LAMA3: variants seen among roughly 807,000 people sequenced by gnomAD.
LAMA3 encodes laminin subunit alpha 3.
Under a neutral mutation model 402.0 loss-of-function variants are expected in LAMA3, and 281 were observed. The observed-to-expected ratio is 0.70, with a 90% CI of 0.63 to 0.77. LAMA3 has a LOEUF of 0.77. Ranked by LOEUF, LAMA3 falls within the 30% of genes least tolerant of loss-of-function variation. The pLI, the probability that LAMA3 is intolerant of heterozygous loss-of-function variation, is 0.00. For missense variants in LAMA3, 3,840 were observed against 4,215.5 expected (o/e 0.91, Z 2.47); for synonymous variants, 1,431 against 1,558.4 (o/e 0.92, Z 1.93).
intron 5 of LAMA3, among the ~76,000 whole-genome samples, chr18:23,752,310 A>C (rs943749194): frequency 3.3e-5 from 5 of 151,726 alleles, no homozygotes; most frequent in Non-Finnish European, 5.9e-5. Flanking sequence ...GTACCCTACC[A>C]ATTTTTTTTT....
chr18:23,945,031 G>A (rs2082657972), intron 69 of LAMA3, among the ~76,000 whole-genome samples: 1 of 152,120 alleles, frequency 6.6e-6, no homozygotes, highest in Non-Finnish European at 1.5e-5. Context: ...TACTCAGGAG[G>A]CTGAGGCAGG....
At chr18:23,842,330 C>A in intron 27 of LAMA3, 65 bp from the exon 28 acceptor site, 1 of 1,576,686 alleles carries the variant, frequency 6.3e-7, no homozygotes, top group East Asian at 2.2e-5. Context: ...TCTATGATTC[C>A]AGTTATTCAT....
intron 27 of LAMA3, among the ~76,000 whole-genome samples, chr18:23,840,885 C>T (rs1220291639): frequency 7.9e-5 from 12 of 152,202 alleles, no homozygotes; most frequent in Admixed American, 7.9e-4. Context: ...ATGGGTTGAG[C>T]ATCCCTAATC....
intron 62 of LAMA3, among the ~76,000 whole-genome samples, chr18:23,925,053 G>A (rs2081965522): frequency 1.3e-5 from 2 of 152,170 alleles, no homozygotes; most frequent in African/African-American, 4.8e-5. Flanking sequence ...TGGGAGGTGG[G>A]GTGGGCACAG....
intron 39 of LAMA3, among the ~76,000 whole-genome samples, chr18:23,876,854 T>A (rs953102679): frequency 1.3e-5 from 2 of 152,088 alleles, no homozygotes; most frequent in Non-Finnish European, 2.9e-5. Flanking sequence ...TCAAGGCTCA[T>A]AAGAAATCAG....
intron 2 of LAMA3, among the ~76,000 whole-genome samples, chr18:23,727,671 TGGTCCATGGACCAC>T (rs1598659086): frequency 6.6e-6 from 1 of 152,204 alleles, no homozygotes; most frequent in East Asian, 1.9e-4. Context: ...GGACCAGCAC[TGGTCCATGGACCAC>T]ACTTTGAGTA....
intron 69 of LAMA3, among the ~76,000 whole-genome samples, chr18:23,945,919 CT>C (rs903841734): frequency 1.3e-5 from 2 of 150,722 alleles, no homozygotes; most frequent in Admixed American, 6.6e-5. Flanking sequence ...TCTAAGCAAC[CT>C]TTTTTTTTCA....
chr18:23,838,665 G>T, intron 25 of LAMA3, 116 bp from the exon 26 acceptor site: 1 of 711,972 alleles, frequency 1.4e-6, no homozygotes, highest in Admixed American at 2.0e-5. Flanking sequence ...ATAACGATTA[G>T]AATTATTATG....
intron 55 of LAMA3, among the ~76,000 whole-genome samples, chr18:23,911,702 T>C (rs757036800): frequency 6.6e-6 from 1 of 150,916 alleles, no homozygotes; most frequent in Non-Finnish European, 1.5e-5. Context: ...TAAATAAAAC[T>C]GTAACATGTA....
At position 23,847,501 on chromosome 18, in the gene LAMA3, G is replaced by A. The variant is rs886898891; in HGVS notation, c.3969G>A (p.Thr1323=). The change falls in exon 32 of 75, where the codon ACG becomes ACA. Residue 1323 remains threonine (T), a synonymous_variant. Transcript: ENST00000313654. ...SCGRRLCEEM[T]GQCRCPPRTV... is the part of the protein sequence containing the mutation. The stretch of plus-strand genomic sequence containing the variant: ...GTCGGCGCCTTTGTGAAGAGATGAC[G>A]GGGCAGTGCCGCTGCCCTCCCCGCA... The A allele has an allele frequency of 1.9e-6, 3 of 1,613,388 alleles. No homozygotes were observed. Among genetic ancestry groups the A allele is most frequent in the African/African-American group, 2.7e-5 (2 of 75,054 alleles).
intron 12 of LAMA3, among the ~76,000 whole-genome samples, chr18:23,792,092 G>A (rs2062669047): frequency 6.6e-6 from 1 of 152,128 alleles, no homozygotes; most frequent in Non-Finnish European, 1.5e-5. Context: ...GGAGAGTGGA[G>A]GAGAGATAAT....
At position 23,838,786 on chromosome 18, in the gene LAMA3, A is replaced by C; in HGVS notation, c.3099A>C (p.Gln1033His). ...GCATTGTATTTGCTCACTAGCATCAAGTTTGTATCATACCTATTGAAGAAT... is the reference window on the plus strand; with the variant it reads ...GCATTGTATTTGCTCACTAGCATCACGTTTGTATCATACCTATTGAAGAAT... ...KGHMARFLLH[Q>H]VCIIPIEEFS... Residue 1033 changes from glutamine to histidine, a missense_variant, in exon 26 of 75, where the codon CAA becomes CAC. By Grantham distance (24) the Gln-to-His change is conservative (BLOSUM62 0). Coordinates refer to ENST00000313654, the MANE Select transcript of LAMA3 (RefSeq NM_198129.4). 3 of 1,599,522 alleles carry C rather than the reference A, an allele frequency of 1.9e-6. No individual in the cohort carries two copies. The highest frequency in any genetic ancestry group is 2.6e-6 in the Non-Finnish European group (3 of 1,166,784).
intron 12 of LAMA3, among the ~76,000 whole-genome samples, chr18:23,797,125 A>G (rs763701319): frequency 4.9e-4 from 75 of 152,186 alleles, no homozygotes; most frequent in Admixed American, 1.7e-3. Context: ...GAGCTGTGCA[A>G]GAAATTCACT....
At chr18:23,757,788 T>C (rs1341664383) in intron 6 of LAMA3, among the ~76,000 whole-genome samples, 2 of 152,250 alleles carry the variant, frequency 1.3e-5, no homozygotes, top group Non-Finnish European at 2.9e-5. Flanking sequence ...TAACTTGGAA[T>C]GTTAAGGCAG....
intron 12 of LAMA3, among the ~76,000 whole-genome samples, chr18:23,808,414 G>A (rs2063005624): frequency 6.6e-6 from 1 of 151,912 alleles, no homozygotes; most frequent in Non-Finnish European, 1.5e-5. Flanking sequence ...TTTGATCTGT[G>A]TTTGAATGCA....
chr18:23,840,019 G>A, intron 27 of LAMA3, 90 bp downstream of exon 27: 1 of 1,391,414 alleles, frequency 7.2e-7, no homozygotes, highest in Non-Finnish European at 1.0e-6. Flanking sequence ...CAGCAATGCA[G>A]ATTCACAGAC....
At chr18:23,738,863 C>T (rs1053927248) in intron 2 of LAMA3, among the ~76,000 whole-genome samples, 3 of 152,348 alleles carry the variant, frequency 2.0e-5, no homozygotes, top group Non-Finnish European at 2.9e-5. Flanking sequence ...CTGAGCCCAG[C>T]GGGTGCATCC....
intron 39 of LAMA3, among the ~76,000 whole-genome samples, chr18:23,881,100 G>C (rs764248247): frequency 1.3e-4 from 20 of 152,098 alleles, no homozygotes; most frequent in Non-Finnish European, 2.6e-4. Flanking sequence ...TTTTTTGCTA[G>C]GGTAACACCA....
intron 32 of LAMA3, 141 bp downstream of exon 32, chr18:23,847,809 G>C: frequency 1.2e-6 from 1 of 829,222 alleles, no homozygotes; most frequent in Non-Finnish European, 1.9e-6. Flanking sequence ...TCCCAGACAG[G>C]ATGGGTTGCA....
Sources: gnomAD v4.1 joint callset for allele counts (sites outside exome capture counted in the v4.1 genomes callset) on GRCh38, gnomAD v4.1.1 for gene constraint, MANE v1.5 for transcripts, NCBI Gene and HGNC (gene_info 2026-07-23, HGNC 2026-07-21) for gene names.